The following RORB variants were observed in gnomAD, a reference collection of about 807,000 sequenced individuals.
The protein encoded by RORB is RAR related orphan receptor B.
A neutral mutation model predicts 59.1 loss-of-function variants in RORB; 6 were observed. The observed-to-expected ratio is 0.10, with a 90% confidence interval of 0.06 to 0.20. RORB has a LOEUF of 0.20. Among genes scored for constraint, RORB ranks in the 10% least tolerant of loss-of-function variants. The pLI is 1.00. For missense variants in RORB, 320 were observed against 560.5 expected, an observed-to-expected ratio of 0.57 and a Z score of 4.33; for synonymous variants, 215 against 204.5, an observed-to-expected ratio of 1.05 and a Z score of -0.44.
intron 1 of RORB, among the ~76,000 whole-genome samples, chr9:74,625,028 A>G (rs995392940): frequency 1.3e-5 from 2 of 152,034 alleles, no homozygotes; most frequent in Non-Finnish European, 2.9e-5. Context: ...GATGTCCTTA[A>G]GGCAAAAAAA....
At chr9:74,652,426 C>A (rs967421479) in intron 4 of RORB, among the ~76,000 whole-genome samples, 1 of 152,230 alleles carries the variant, frequency 6.6e-6, no homozygotes, top group South Asian at 2.1e-4. Flanking sequence ...AAAATGCTAT[C>A]TTATTTGAGC....
At chr9:74,570,898 A>T (rs2118226349) in intron 1 of RORB, among the ~76,000 whole-genome samples, 1 of 151,992 alleles carries the variant, frequency 6.6e-6, no homozygotes, top group East Asian at 1.9e-4. Context: ...TTTATTATTA[A>T]TATTTTTTAA....
chr9:74,667,922 T>C (rs745832192), intron 8 of RORB, 21 bp downstream of exon 8: 2 of 1,463,924 alleles, frequency 1.4e-6, no homozygotes, highest in Non-Finnish European at 9.6e-7. Flanking sequence ...CTCAGTTCTC[T>C]TACCTTTTTA....
chr9:74,624,964 G>A (rs890574530), intron 1 of RORB, among the ~76,000 whole-genome samples: 1 of 152,088 alleles, frequency 6.6e-6, no homozygotes, highest in Non-Finnish European at 1.5e-5. Flanking sequence ...GTCCTAGAAT[G>A]TAGTCTGTGT....
rs182618906 is a variant in RORB, at chr9:74,632,519, T to C, written c.94-2112T>C. On this transcript the variant is annotated intron_variant, in intron 2 of 9. Coordinates refer to ENST00000376896, the MANE Select transcript of RORB (RefSeq NM_006914.4). ...CATTCTAAATAACATCAATTCAGCT[T>C]GTGCACTTATTCAAATTTCTATTCA... Among the ~76,000 whole-genome samples, 271 of 152,292 alleles carry C rather than the reference T, an allele frequency of 1.8e-3. 3 individuals carry two copies. The highest frequency in any genetic ancestry group is 2.6e-3 in the Non-Finnish European group (178 of 68,008).
intron 1 of RORB, among the ~76,000 whole-genome samples, chr9:74,562,907 TCCC>T (rs1391114669): frequency 6.6e-6 from 1 of 152,082 alleles, no homozygotes; most frequent in Non-Finnish European, 1.5e-5. Context: ...TTTCTCCCTC[TCCC>T]CCATCTAAAA....
chr9:74,622,885 C>A (rs1382733707), intron 1 of RORB, among the ~76,000 whole-genome samples: 2 of 152,076 alleles, frequency 1.3e-5, no homozygotes, highest in East Asian at 1.9e-4. Flanking sequence ...ATCAGGCACC[C>A]AGGGAAGGCC....
chr9:74,526,855 C>G (rs1274435523), intron 1 of RORB, among the ~76,000 whole-genome samples: 1 of 151,904 alleles, frequency 6.6e-6, no homozygotes, highest in Non-Finnish European at 1.5e-5. Context: ...AAACAAAAAG[C>G]AAGCAACAAA....
chr9:74,617,089 TC>T (rs1563954086), intron 1 of RORB, among the ~76,000 whole-genome samples: 2 of 52,164 alleles, frequency 3.8e-5, no homozygotes, highest in African/African-American at 5.6e-5. Context: ...CACCACCCGC[TC>T]CCCCCGCAAA....
chr9:74,497,621 C>A lies in RORB; in HGVS notation c.-356C>A, dbSNP rs867860756. 1 of 333,670 alleles carries A rather than the reference C, an allele frequency of 3.0e-6. No individual in the cohort carries two copies. The highest frequency in any genetic ancestry group is 5.5e-6 in the Non-Finnish European group (1 of 181,680). 20.7% of individuals were successfully genotyped at this position (333,670 alleles called of 1,614,324 possible). A position where few individuals can be genotyped will look rare whatever the true frequency, so the allele number is the denominator to read the frequency against. On this transcript the variant is annotated 5_prime_UTR_variant, in exon 1 of 10. Coordinates refer to ENST00000376896, the MANE Select transcript of RORB (RefSeq NM_006914.4). ...CAAAAGAAATCTTCTGAGCCGGAGG[C>A]GGTGGCATTTTTTAAAAAGCAAGCA...
chr9:74,634,663 T>C lies in RORB; in HGVS notation c.126T>C (p.Ala42=), dbSNP rs1301662336. ...GFFRRSQQNN[A]SYSCPRQRNC... ...TTAGGAGGAGCCAGCAGAACAATGCTTCTTATTCCTGCCCAAGGCAGAGAA... is the reference window on the plus strand; with the variant it reads ...TTAGGAGGAGCCAGCAGAACAATGCCTCTTATTCCTGCCCAAGGCAGAGAA... The change falls in exon 3 of 10, where the codon GCT becomes GCC. Residue 42 remains alanine, a synonymous_variant. Coordinates refer to ENST00000376896, the MANE Select transcript of RORB (RefSeq NM_006914.4). 1 of 1,613,128 alleles carries C rather than the reference T, an allele frequency of 6.2e-7. No individual in the cohort carries two copies. Among genetic ancestry groups the C allele is most frequent in the Admixed American group, 1.7e-5 (1 of 59,812 alleles).
chr9:74,561,003 T>C (rs1822389176), intron 1 of RORB, among the ~76,000 whole-genome samples: 1 of 152,146 alleles, frequency 6.6e-6, no homozygotes, highest in South Asian at 2.1e-4. Context: ...AAGCAGTTAT[T>C]CCTCCCAGCT....
chr9:74,559,820 A>G (rs1271629828), intron 1 of RORB, among the ~76,000 whole-genome samples: 2 of 152,186 alleles, frequency 1.3e-5, no homozygotes, highest in Non-Finnish European at 2.9e-5. Context: ...GTTTATGAAA[A>G]AAACAAGGCC....
intron 9 of RORB, among the ~76,000 whole-genome samples, chr9:74,680,292 T>C (rs139018162): frequency 1.0e-3 from 155 of 152,340 alleles, no homozygotes; most frequent in African/African-American, 3.5e-3. Flanking sequence ...TCCGAATTCT[T>C]CATCTTACAC....
intron 1 of RORB, among the ~76,000 whole-genome samples, chr9:74,626,003 TTTATATAATC>T (rs1823507592): frequency 6.6e-6 from 1 of 152,238 alleles, no homozygotes; most frequent in Non-Finnish European, 1.5e-5. Context: ...GCTGGATTAG[TTTATATAATC>T]TTAACACCTG....
chr9:74,548,276 T>G (rs1826535071), intron 1 of RORB, among the ~76,000 whole-genome samples: 1 of 152,208 alleles, frequency 6.6e-6, no homozygotes, highest in African/African-American at 2.4e-5. Context: ...AGAAATTATC[T>G]TTTTTTCATT....
At chr9:74,562,468 A>G (rs1397511627) in intron 1 of RORB, among the ~76,000 whole-genome samples, 4 of 152,174 alleles carry the variant, frequency 2.6e-5, no homozygotes, top group Non-Finnish European at 5.9e-5. Context: ...TTTGTTTGGG[A>G]ATCTCATCTG....
intron 9 of RORB, 106 bp from the exon 10 acceptor site, chr9:74,685,357 C>T (rs1587424286): frequency 1.1e-6 from 1 of 874,874 alleles, no homozygotes; most frequent in Non-Finnish European, 1.6e-6. Flanking sequence ...ACATCTTTTT[C>T]CAAAGCCTTT....
intron 4 of RORB, among the ~76,000 whole-genome samples, chr9:74,645,384 G>A (rs1344124943): frequency 6.6e-6 from 1 of 152,172 alleles, no homozygotes; most frequent in East Asian, 1.9e-4. Flanking sequence ...GTGGTATAGT[G>A]TGGTGACTAA....
Sources: allele counts gnomAD v4.1 joint callset (sites outside exome capture counted in the v4.1 genomes callset), GRCh38; gene constraint gnomAD v4.1.1; transcripts MANE v1.5; gene names NCBI Gene and HGNC (gene_info 2026-07-23, HGNC 2026-07-21).